SGCZ: variants seen among roughly 807,000 people sequenced by gnomAD.
SGCZ encodes the protein sarcoglycan zeta.
In SGCZ, 40 loss-of-function variants were observed where a neutral mutation model predicts 41.3. The observed-to-expected ratio is 0.97, with a 90% CI of 0.75 to 1.26. The LOEUF (loss-of-function observed/expected upper bound fraction) is 1.26, where lower values mean the gene tolerates loss of function less well. Among genes scored for constraint, SGCZ ranks in the 50% most tolerant of loss-of-function variants. SGCZ has a pLI of 0.00. For missense variants in SGCZ, 552 were observed against 369.8 expected, an observed-to-expected ratio of 1.49 and a Z score of -4.04; for synonymous variants, 206 against 137.5, an observed-to-expected ratio of 1.50 and a Z score of -3.49.
chr8:14,779,545 A>G (rs1190299679), intron 1 of SGCZ, among the ~76,000 whole-genome samples: 1 of 152,204 alleles, frequency 6.6e-6, no homozygotes, highest in Non-Finnish European at 1.5e-5. Flanking sequence ...GGAAGAAATG[A>G]TTGCTTTAAG....
chr8:14,741,895 A>T, intron 1 of SGCZ, among the ~76,000 whole-genome samples: 1 of 128,300 alleles, frequency 7.8e-6, no homozygotes, highest in Non-Finnish European at 1.6e-5. Flanking sequence ...TAATCACAAA[A>T]CTTTTTCAGA....
At chr8:14,130,369 A>C (rs541889055) in intron 5 of SGCZ, among the ~76,000 whole-genome samples, 30 of 152,194 alleles carry the variant, frequency 2.0e-4, no homozygotes, top group African/African-American at 7.0e-4. Flanking sequence ...TATTGTCAAA[A>C]ATATGGAGAT....
At chr8:14,800,865 G>C (rs1043125889) in intron 1 of SGCZ, among the ~76,000 whole-genome samples, 1 of 152,022 alleles carries the variant, frequency 6.6e-6, no homozygotes, top group Admixed American at 6.6e-5. Flanking sequence ...GAGGTGGAAT[G>C]CTAGTCTCAC....
intron 3 of SGCZ, among the ~76,000 whole-genome samples, chr8:14,317,268 T>G (rs1456062565): frequency 1.3e-5 from 2 of 152,022 alleles, no homozygotes. Flanking sequence ...CTAACAACTA[T>G]AACAGTGTAG....
intron 1 of SGCZ, among the ~76,000 whole-genome samples, chr8:14,877,896 G>A (rs545316033): frequency 6.7e-6 from 1 of 149,284 alleles, no homozygotes; most frequent in Non-Finnish European, 1.5e-5. Flanking sequence ...ATGCAAAAGG[G>A]TTTTTTTTTT....
At chr8:14,539,187 A>G (rs191776050) in intron 2 of SGCZ, among the ~76,000 whole-genome samples, 1 of 152,118 alleles carries the variant, frequency 6.6e-6, no homozygotes, top group African/African-American at 2.4e-5. Context: ...GAACTAAAGC[A>G]TCGTATCTTC....
At chr8:14,632,175 T>C (rs377120784) in intron 1 of SGCZ, among the ~76,000 whole-genome samples, 1 of 151,896 alleles carries the variant, frequency 6.6e-6, no homozygotes, top group Non-Finnish European at 1.5e-5. Flanking sequence ...TGCGCCACCA[T>C]GCCTGGCTAA....
chr8:14,421,431 A>G (rs1462651082), intron 2 of SGCZ, among the ~76,000 whole-genome samples: 1 of 152,146 alleles, frequency 6.6e-6, no homozygotes, highest in Non-Finnish European at 1.5e-5. Flanking sequence ...GCATGTATAT[A>G]CCAGGTCTTG....
At chr8:14,589,265 G>C (rs1035906349) in intron 1 of SGCZ, among the ~76,000 whole-genome samples, 4 of 150,834 alleles carry the variant, frequency 2.7e-5, no homozygotes, top group Admixed American at 2.0e-4. Context: ...AGAATTGTTT[G>C]AATCTGGGAG....
chr8:14,424,132 A>G (rs745888407), intron 2 of SGCZ, among the ~76,000 whole-genome samples: 6 of 152,190 alleles, frequency 3.9e-5, no homozygotes, highest in Non-Finnish European at 7.3e-5. Flanking sequence ...TTTAAAGTCA[A>G]ATAGGTGTGA....
rs189340395 is a variant in SGCZ at position 14,886,368 on chromosome 8, G to T, written c.40-331442C>A. Among the ~76,000 whole-genome samples, 1,023 of 152,098 alleles carry T rather than the reference G, an allele frequency of 6.7e-3. 4 individuals carry two copies. The highest frequency in any genetic ancestry group is 8.0e-3 in the Non-Finnish European group (542 of 67,994). ...TATAAACATGATAAAATAACATATG[G>T]TTTATTAGACAGAGGTGAAAGCTAA... On this transcript the variant is annotated intron_variant, in intron 1 of 7. Coordinates refer to ENST00000382080, the MANE Select transcript of SGCZ (RefSeq NM_139167.4).
At chr8:14,988,814 A>C (rs1301694699) in intron 1 of SGCZ, among the ~76,000 whole-genome samples, 1 of 152,188 alleles carries the variant, frequency 6.6e-6, no homozygotes, top group African/African-American at 2.4e-5. Flanking sequence ...ATACCATTGA[A>C]ATACTAAGAG....
At chr8:14,885,985 T>TCA (rs1804777672) in intron 1 of SGCZ, among the ~76,000 whole-genome samples, 1 of 55,976 alleles carries the variant, frequency 1.8e-5, no homozygotes, top group African/African-American at 6.9e-5. Flanking sequence ...GGACTTTATG[T>TCA]TATATATATA....
intron 1 of SGCZ, among the ~76,000 whole-genome samples, chr8:15,035,136 A>G (rs919290764): frequency 2.0e-5 from 3 of 152,120 alleles, no homozygotes; most frequent in African/African-American, 7.2e-5. Flanking sequence ...AATGATAATA[A>G]TAGCTATAAT....
chr8:14,505,641 T>C (rs896751489), intron 2 of SGCZ, among the ~76,000 whole-genome samples: 8 of 152,188 alleles, frequency 5.3e-5, no homozygotes, highest in African/African-American at 1.9e-4. Flanking sequence ...TCTACAATTG[T>C]TCTCTAGGAC....
At position 14,932,632 on chromosome 8, in the gene SGCZ, G is replaced by T. The variant is rs554025659; in HGVS notation, c.39+304953C>A. Among the ~76,000 whole-genome samples, 4 of 152,030 alleles carry T rather than the reference G, an allele frequency of 2.6e-5. No individual in the cohort carries two copies. In the South Asian group the frequency reaches 8.3e-4, roughly 31 times the overall value. On this transcript the variant is annotated intron_variant, in intron 1 of 7. Transcript: ENST00000382080. ...CTCAGAATAGCTCTCAGCCAAGCAA[G>T]GCAAAACAAAAATAAATGTGTAAAG...
chr8:14,175,154 A>G (rs1393525353), intron 4 of SGCZ, among the ~76,000 whole-genome samples: 1 of 152,138 alleles, frequency 6.6e-6, no homozygotes, highest in Admixed American at 6.5e-5. Context: ...GAAGAAAAAA[A>G]TTTTTAAATG....
At chr8:15,230,473 C>T (rs1345594179) in intron 1 of SGCZ, among the ~76,000 whole-genome samples, 1 of 152,128 alleles carries the variant, frequency 6.6e-6, no homozygotes, top group Admixed American at 6.5e-5. Flanking sequence ...CATTTTGGTA[C>T]CCATAAAATG....
intron 1 of SGCZ, among the ~76,000 whole-genome samples, chr8:14,874,527 A>C (rs1804276800): frequency 6.6e-6 from 1 of 152,194 alleles, no homozygotes; most frequent in South Asian, 2.1e-4. Flanking sequence ...ATTGGCTTAA[A>C]TTTAACTTAA....
Sources: allele counts gnomAD v4.1 joint callset (sites outside exome capture counted in the v4.1 genomes callset), GRCh38; gene constraint gnomAD v4.1.1; transcripts MANE v1.5; gene names NCBI Gene and HGNC (gene_info 2026-07-23, HGNC 2026-07-21).